LRRTM4: variants seen among roughly 807,000 people sequenced by gnomAD.
The protein encoded by LRRTM4 is leucine-rich repeat transmembrane neuronal protein 4.
In LRRTM4, 25 loss-of-function variants were observed where a neutral mutation model predicts 47.6. The ratio of observed to expected loss-of-function variants is 0.53; its 90% CI spans 0.38 to 0.73. The LOEUF is 0.73. LRRTM4 is among the 30% of genes least tolerant of loss of function. LRRTM4 has a pLI of 0.00. For synonymous variants in LRRTM4, 311 were observed against 269.5 expected (o/e 1.15, Z -1.51); for missense variants, 638 against 713.4 (o/e 0.89, Z 1.20).
intron 3 of LRRTM4, among the ~76,000 whole-genome samples, chr2:77,167,054 G>A (rs192979842): frequency 7.2e-5 from 11 of 151,870 alleles, no homozygotes; most frequent in East Asian, 1.9e-4. Flanking sequence ...TACAATCTAC[G>A]CATCTGACAA....
chr2:77,213,909 CA>C (rs2103929227), intron 3 of LRRTM4, among the ~76,000 whole-genome samples: 1 of 150,246 alleles, frequency 6.7e-6, no homozygotes, highest in South Asian at 2.1e-4. Flanking sequence ...AATGTGGAAC[CA>C]AAATGCCAAT....
At position 77,307,169 on chromosome 2, in the gene LRRTM4, G is replaced by GGACT. The variant is rs563041493; in HGVS notation, c.1551+211148_1551+211149insAGTC. On this transcript the variant is annotated intron_variant, in intron 3 of 3. Coordinates refer to ENST00000409884, the MANE Select transcript of LRRTM4 (RefSeq NM_001134745.3). ...CCCGCCTCGGCCTCCCAAAGTGCTG[G>GGACT]GATTACAGGCGTGAGCCACCGCGCC... Among the ~76,000 whole-genome samples the GGACT allele has an allele frequency of 7.4e-3, 1,122 of 151,800 alleles. 11 individuals carry two copies. The highest frequency in any genetic ancestry group is 0.026 in the African/African-American group (1,076 of 41,324).
At chr2:77,377,594 G>C (rs1193995948) in intron 3 of LRRTM4, among the ~76,000 whole-genome samples, 1 of 151,912 alleles carries the variant, frequency 6.6e-6, no homozygotes, top group Non-Finnish European at 1.5e-5. Flanking sequence ...AATGCCTCCT[G>C]TTAAGTGAGA....
chr2:76,975,129 C>T (rs1253241797), intron 3 of LRRTM4, among the ~76,000 whole-genome samples: 1 of 151,598 alleles, frequency 6.6e-6, no homozygotes, highest in Admixed American at 6.6e-5. Flanking sequence ...GGTTGATTAC[C>T]ACTGGGTCTA....
chr2:76,994,393 T>C (rs532256521), intron 3 of LRRTM4, among the ~76,000 whole-genome samples: 1 of 151,944 alleles, frequency 6.6e-6, no homozygotes, highest in Non-Finnish European at 1.5e-5. Context: ...ACCAATTTCA[T>C]GTGCAAGCAT....
intron 3 of LRRTM4, among the ~76,000 whole-genome samples, chr2:77,201,034 T>C (rs974613301): frequency 6.6e-6 from 1 of 152,110 alleles, no homozygotes; most frequent in African/African-American, 2.4e-5. Context: ...ATGGTGTAAA[T>C]ATACAACACC....
intron 3 of LRRTM4, among the ~76,000 whole-genome samples, chr2:77,288,417 C>G (rs563774087): frequency 2.0e-5 from 3 of 151,414 alleles, no homozygotes. Context: ...GAAGAAAGAA[C>G]AATATCTGAA....
intron 3 of LRRTM4, among the ~76,000 whole-genome samples, chr2:77,439,229 G>A (rs146918094): frequency 8.6e-4 from 131 of 152,130 alleles, no homozygotes; most frequent in South Asian, 5.0e-3. Context: ...ATAATTTCCC[G>A]CGTACAGCTC....
At chr2:77,335,011 T>C (rs1435825101) in intron 3 of LRRTM4, among the ~76,000 whole-genome samples, 1 of 152,212 alleles carries the variant, frequency 6.6e-6, no homozygotes. Flanking sequence ...TACATTCTCA[T>C]AGTTCCTTCT....
chr2:77,060,768 C>G (rs1679760480), intron 3 of LRRTM4, among the ~76,000 whole-genome samples: 1 of 151,932 alleles, frequency 6.6e-6, no homozygotes, highest in South Asian at 2.1e-4. Context: ...CAACCTATGT[C>G]TCTTTTTTTT....
chr2:77,179,443 C>T (rs1416106222), intron 3 of LRRTM4, among the ~76,000 whole-genome samples: 1 of 152,034 alleles, frequency 6.6e-6, no homozygotes, highest in Non-Finnish European at 1.5e-5. Context: ...GTTGCTTGGG[C>T]TTTTGCTGAA....
chr2:77,132,175 A>C (rs1024989946), intron 3 of LRRTM4, among the ~76,000 whole-genome samples: 1 of 152,286 alleles, frequency 6.6e-6, no homozygotes, highest in South Asian at 2.1e-4. Flanking sequence ...TCTGGTAACT[A>C]TCATTCTACT....
At chr2:76,974,150 A>ATG (rs1227672031) in intron 3 of LRRTM4, among the ~76,000 whole-genome samples, 11 of 133,886 alleles carry the variant, frequency 8.2e-5, no homozygotes, top group Non-Finnish European at 1.5e-4. Context: ...ACATATATAT[A>ATG]CATACATATA....
chr2:77,361,659 A>C (rs1457322770), intron 3 of LRRTM4, among the ~76,000 whole-genome samples: 2 of 152,222 alleles, frequency 1.3e-5, no homozygotes, highest in African/African-American at 4.8e-5. Context: ...AGCTATAAAA[A>C]TAAATACAAA....
intron 3 of LRRTM4, chr2:76,986,079 T>G (rs1481016890): frequency 6.7e-6 from 1 of 150,216 alleles, no homozygotes; most frequent in South Asian, 2.1e-4. Flanking sequence ...TATGAGTGAT[T>G]AATCTAGTTA....
chr2:77,074,288 T>C (rs777429714), intron 3 of LRRTM4, among the ~76,000 whole-genome samples: 1 of 152,130 alleles, frequency 6.6e-6, no homozygotes, highest in East Asian at 1.9e-4. Context: ...TTGTACATCC[T>C]GTGTTCTTGG....
intron 3 of LRRTM4, among the ~76,000 whole-genome samples, chr2:77,069,212 T>G (rs1680065144): frequency 6.6e-6 from 1 of 152,152 alleles, no homozygotes; most frequent in South Asian, 2.1e-4. Context: ...GCCACTGGGT[T>G]AGGGTCTCCC....
Position 77,519,731 on chromosome 2 carries a change from G to A in LRRTM4, c.138C>T (p.Tyr46=), listed in dbSNP as rs1679404284. Residue 46 remains tyrosine, a synonymous_variant, in exon 3 of 4, where the codon TAC becomes TAT. Coordinates refer to ENST00000409884, the MANE Select transcript of LRRTM4 (RefSeq NM_001134745.3). This position sits in a 1 kb window ranked among gnomAD's most constrained non-coding sequence, Gnocchi z 4.6. The part of the protein sequence containing the change: ...KNCRCDGKIV[Y]CESHAFADIP... Reference sequence around the variant, plus strand: ...TATCTGCGAAAGCATGAGACTCACAGTACACAATTTTGCCATCACATCTGC... The same window carrying A: ...TATCTGCGAAAGCATGAGACTCACAATACACAATTTTGCCATCACATCTGC... The A allele has an allele frequency of 1.2e-6, 2 of 1,613,382 alleles. No homozygotes were observed. The highest frequency in any genetic ancestry group is 1.7e-6 in the Non-Finnish European group (2 of 1,179,572).
At chr2:76,980,187 T>C (rs79568918) in intron 3 of LRRTM4, among the ~76,000 whole-genome samples, 3,221 of 151,912 alleles carry the variant, frequency 0.021, 123 homozygotes, top group South Asian at 0.067. Context: ...GACAGAAAAA[T>C]GTAATAGAGG....
Sources: allele counts gnomAD v4.1 joint callset (sites outside exome capture counted in the v4.1 genomes callset), GRCh38; gene constraint gnomAD v4.1.1; non-coding constraint Gnocchi (gnomAD v3.1); transcripts MANE v1.5; gene names NCBI Gene and HGNC (gene_info 2026-07-23, HGNC 2026-07-21).